Variants in FOCAD observed in about 807,000 individuals in gnomAD.
FOCAD encodes focadhesin.
FOCAD carries 198 observed loss-of-function variants against 225.6 expected under a neutral mutation model. The observed-to-expected ratio is 0.88, with a 90% CI of 0.78 to 0.99. The LOEUF (loss-of-function observed/expected upper bound fraction) is 0.99. FOCAD is among the 50% of genes least tolerant of loss of function. The pLI, the probability that FOCAD is intolerant of heterozygous loss-of-function variation, is 0.00. For missense variants in FOCAD, 2,713 were observed against 2,123.6 expected (o/e 1.28, Z -5.46); for synonymous variants, 897 against 755.0 (o/e 1.19, Z -3.08).
chr9:20,922,451 G>C (rs1834530990), intron 24 of FOCAD, among the ~76,000 whole-genome samples: 1 of 152,158 alleles, frequency 6.6e-6, no homozygotes, highest in South Asian at 2.1e-4. Flanking sequence ...AGATAGGAAG[G>C]ATTTGTTAAT....
At chr9:20,689,170 C>G (rs543873037) in intron 1 of FOCAD, among the ~76,000 whole-genome samples, 1 of 152,244 alleles carries the variant, frequency 6.6e-6, no homozygotes, top group South Asian at 2.1e-4. Flanking sequence ...GATAGAAATC[C>G]TCTGGTCAGA....
intron 15 of FOCAD, among the ~76,000 whole-genome samples, chr9:20,853,055 T>C (rs1038847181): frequency 2.6e-5 from 4 of 151,772 alleles, no homozygotes; most frequent in Non-Finnish European, 4.4e-5. Flanking sequence ...GTCAAGGAAT[T>C]TTTTGACATA....
intron 2 of FOCAD, among the ~76,000 whole-genome samples, chr9:20,672,398 T>C (rs1044217742): frequency 2.6e-5 from 4 of 152,350 alleles, no homozygotes; most frequent in Non-Finnish European, 4.4e-5. Flanking sequence ...CTGCAACACA[T>C]ATTTAAGTTA....
chr9:20,878,610 C>T (rs1214951893), intron 19 of FOCAD, among the ~76,000 whole-genome samples: 2 of 152,162 alleles, frequency 1.3e-5, no homozygotes, highest in Non-Finnish European at 2.9e-5. Context: ...TTTGGCTTCT[C>T]CAATACCAAA....
At chr9:20,966,224 C>T (rs937587834) in intron 35 of FOCAD, among the ~76,000 whole-genome samples, 1 of 152,084 alleles carries the variant, frequency 6.6e-6, no homozygotes, top group Non-Finnish European at 1.5e-5. Context: ...TCATTGCCAA[C>T]TAATTGGCTG....
At chr9:20,697,248 A>C (rs1333864299) in intron 1 of FOCAD, among the ~76,000 whole-genome samples, 3 of 152,172 alleles carry the variant, frequency 2.0e-5, no homozygotes, top group African/African-American at 7.2e-5. Context: ...ATGTAACCTA[A>C]CTGGTCCGTC....
chr9:20,958,381 T>A (rs1838392513), intron 35 of FOCAD, among the ~76,000 whole-genome samples: 1 of 150,924 alleles, frequency 6.6e-6, no homozygotes, highest in East Asian at 2.0e-4. Context: ...GTTTTTTTTT[T>A]AAGTAAATTT....
intron 35 of FOCAD, among the ~76,000 whole-genome samples, chr9:20,964,726 G>C (rs1290379078): frequency 2.6e-5 from 4 of 152,148 alleles, no homozygotes; most frequent in Non-Finnish European, 5.9e-5. Context: ...AGTAGAGACA[G>C]GCTTTCACCA....
intron 28 of FOCAD, among the ~76,000 whole-genome samples, chr9:20,936,141 C>G (rs1406740481): frequency 6.6e-6 from 1 of 152,198 alleles, no homozygotes; most frequent in Non-Finnish European, 1.5e-5. Flanking sequence ...TTTGGAACGT[C>G]AGGCATGAAT....
rs747603255 is a variant in FOCAD, at chr9:20,986,362, C to A, written c.4803C>A (p.Thr1601=). 1 of 1,595,764 alleles carries A rather than the reference C, an allele frequency of 6.3e-7. No individual in the cohort carries two copies. The highest frequency in any genetic ancestry group is 1.4e-5 in the African/African-American group (1 of 72,222). The part of the protein sequence containing the change: ...SQGRFPLVNL[T]DMLSVAVQHR... ...GACGATTCCCCTTGGTGAACCTGAC[C>A]GATATGCTGAGCGTTGCTGTGCAGC... is the stretch of plus-strand genomic sequence containing the variant. Residue 1601 remains threonine, a synonymous_variant, in exon 40 of 44, where the codon ACC becomes ACA. Coordinates refer to ENST00000338382, the MANE Select transcript of FOCAD (RefSeq NM_001375567.1).
At chr9:20,800,315 A>G (rs1281965418) in intron 11 of FOCAD, among the ~76,000 whole-genome samples, 3 of 151,918 alleles carry the variant, frequency 2.0e-5, no homozygotes, top group Non-Finnish European at 4.4e-5. Context: ...TGAATCTGAC[A>G]ATTATGTGTC....
At position 20,669,426 on chromosome 9, in the gene FOCAD, C is replaced by T. The variant is rs17831972; in HGVS notation, c.-78+10600C>T. Among the ~76,000 whole-genome samples, 17 of 152,274 alleles carry T rather than the reference C, an allele frequency of 1.1e-4. No individual in the cohort carries two copies. The East Asian group carries it at 2.1e-3, about 19-fold the overall frequency. On this transcript the variant is annotated intron_variant, in intron 2 of 45. Transcript: ENST00000380249. ...AATTCAGGATTCTTGGGCCCAGAAACTTATCCTCGTCAAGATTGGATATGT... is the reference window on the plus strand; with the variant it reads ...AATTCAGGATTCTTGGGCCCAGAAATTTATCCTCGTCAAGATTGGATATGT...
intron 27 of FOCAD, among the ~76,000 whole-genome samples, chr9:20,932,567 C>T (rs1384880318): frequency 6.6e-6 from 1 of 152,134 alleles, no homozygotes; most frequent in Non-Finnish European, 1.5e-5. Context: ...TTTATAACCT[C>T]CACAACTGAG....
chr9:20,697,496 A>G (rs1823473741), intron 1 of FOCAD, among the ~76,000 whole-genome samples: 2 of 152,216 alleles, frequency 1.3e-5, no homozygotes, highest in Admixed American at 1.3e-4. Flanking sequence ...GCACTAGCCA[A>G]CACTGGTGTC....
intron 18 of FOCAD, 25 bp from the exon 19 acceptor site, chr9:20,874,654 CTA>C (rs1830078544): frequency 6.2e-7 from 1 of 1,609,376 alleles, no homozygotes; most frequent in Non-Finnish European, 8.5e-7. Context: ...ATTATCCTCT[CTA>C]TGATCTTTTC....
intron 2 of FOCAD, among the ~76,000 whole-genome samples, chr9:20,716,881 C>T (rs12684948): frequency 0.42 from 64,107 of 151,960 alleles, 13,931 homozygotes; most frequent in South Asian, 0.49. Flanking sequence ...AAAATTCCGA[C>T]TTATAAGAAG....
chr9:20,872,277 C>A (rs1350663208), intron 18 of FOCAD, among the ~76,000 whole-genome samples: 3 of 152,074 alleles, frequency 2.0e-5, no homozygotes, highest in Non-Finnish European at 4.4e-5. Context: ...TTTAGTGGCT[C>A]TTAAAAATAT....
At chr9:20,822,091 A>T (rs550051100) in intron 14 of FOCAD, among the ~76,000 whole-genome samples, 3 of 151,532 alleles carry the variant, frequency 2.0e-5, no homozygotes, top group South Asian at 2.1e-4. Context: ...ATGGAAAAAA[A>T]TTCAGAGATA....
chr9:20,689,173 T>A (rs1822833776), intron 1 of FOCAD, among the ~76,000 whole-genome samples: 1 of 152,174 alleles, frequency 6.6e-6, no homozygotes, highest in Admixed American at 6.5e-5. Context: ...AGAAATCCTC[T>A]GGTCAGAGTA....
Sources: allele counts gnomAD v4.1 joint callset (sites outside exome capture counted in the v4.1 genomes callset), GRCh38; gene constraint gnomAD v4.1.1; transcripts MANE v1.5; gene names NCBI Gene and HGNC (gene_info 2026-07-23, HGNC 2026-07-21).